Variants in A4GALT observed in about 807,000 individuals in gnomAD.
A4GALT encodes the protein alpha 1,4-galactosyltransferase (P1PK blood group).
For missense variants in A4GALT, 512 were observed against 486.0 expected, an observed-to-expected ratio of 1.05 and a Z score of -0.50; for synonymous variants, 257 against 220.7, an observed-to-expected ratio of 1.16 and a Z score of -1.46.
At chr22:42,709,496 A>C (rs1417083288) in intron 1 of A4GALT, among the ~76,000 whole-genome samples, 1 of 152,208 alleles carries the variant, frequency 6.6e-6, no homozygotes, top group Non-Finnish European at 1.5e-5. Flanking sequence ...CAGCACATTA[A>C]AATTAAATGG....
intron 1 of A4GALT, among the ~76,000 whole-genome samples, chr22:42,714,366 T>C (rs73427287): frequency 0.015 from 2,009 of 133,468 alleles, 38 homozygotes; most frequent in African/African-American, 0.053. Flanking sequence ...GGCGGGAGCA[T>C]CACTTGAGCC....
intron 1 of A4GALT, chr22:42,718,727 T>C (rs1922424304): frequency 6.6e-6 from 1 of 152,212 alleles, no homozygotes; most frequent in South Asian, 2.1e-4. Context: ...CACTAGGCTC[T>C]GGGATCTGGA....
chr22:42,712,138 A>G (rs1054268466), intron 1 of A4GALT, among the ~76,000 whole-genome samples: 1 of 152,194 alleles, frequency 6.6e-6, no homozygotes, highest in African/African-American at 2.4e-5. Context: ...CAGTCCCAAG[A>G]GCGCCTTTCT....
intron 1 of A4GALT, among the ~76,000 whole-genome samples, chr22:42,720,284 A>G (rs1922600030): frequency 1.5e-5 from 1 of 68,320 alleles, no homozygotes; most frequent in Admixed American, 1.4e-4. Flanking sequence ...ACCCTCCCTA[A>G]GGCCGGCGCC....
intron 1 of A4GALT, among the ~76,000 whole-genome samples, chr22:42,708,956 G>A: frequency 6.6e-6 from 1 of 150,500 alleles, no homozygotes; most frequent in South Asian, 2.1e-4. Context: ...AAAGCACCAG[G>A]GCAAAACATT....
chr22:42,698,727 T>C lies in A4GALT; in HGVS notation c.-187-3096A>G, dbSNP rs1016085399. On this transcript the variant is annotated intron_variant, in intron 1 of 2. Transcript: ENST00000642412. Reference sequence around the variant, plus strand: ...TGAGTAAAATGAGGCTGACACCTACTGGGCTGCATTCCCAGACGGGTAAGG... The same window carrying C: ...TGAGTAAAATGAGGCTGACACCTACCGGGCTGCATTCCCAGACGGGTAAGG... Among the ~76,000 whole-genome samples, 16 of 152,328 alleles carry C rather than the reference T, an allele frequency of 1.1e-4. 2 individuals carry two copies. The highest frequency in any genetic ancestry group is 4.6e-4 in the Admixed American group (7 of 15,296).
At chr22:42,716,401 G>A (rs893955564) in intron 1 of A4GALT, among the ~76,000 whole-genome samples, 10 of 152,192 alleles carry the variant, frequency 6.6e-5, no homozygotes, top group Non-Finnish European at 1.5e-4. Context: ...GAGCTGTGTG[G>A]TTTAATAGTA....
intron 1 of A4GALT, chr22:42,718,123 TC>T (rs1922353408): frequency 6.6e-6 from 1 of 151,842 alleles, no homozygotes; most frequent in South Asian, 2.1e-4. Context: ...ATCCAATAAC[TC>T]AACATGACAT....
intron 1 of A4GALT, among the ~76,000 whole-genome samples, chr22:42,714,089 G>A (rs1417531685): frequency 3.3e-5 from 5 of 151,704 alleles, no homozygotes; most frequent in Non-Finnish European, 7.4e-5. Flanking sequence ...CAAGAGTTGC[G>A]TGGGAAACAT....
rs28915384 is a variant in A4GALT, at chr22:42,693,283, G to C, written c.669C>G (p.Phe223Leu). The C allele has an allele frequency of 2.5e-6, 4 of 1,612,868 alleles. No individual in the cohort carries two copies. Among genetic ancestry groups the C allele is most frequent in the South Asian group, 2.2e-5 (2 of 91,078 alleles). Residue 223 changes from phenylalanine (F) to leucine (L), a missense_variant, in exon 3 of 3, where the codon TTC becomes TTG. Coordinates refer to ENST00000642412, the MANE Select transcript of A4GALT (RefSeq NM_017436.7). Reference protein sequence around the residue: ...RYVLNGAFLAFERRHEFMALC... With the variant: ...RYVLNGAFLALERRHEFMALC... ...GCGCCATGAACTCGTGCCGGCGCTCGAAGGCCAGGAACGCGCCGTTGAGGA... is the reference window on the plus strand; with the variant it reads ...GCGCCATGAACTCGTGCCGGCGCTCCAAGGCCAGGAACGCGCCGTTGAGGA...
In A4GALT at chr22:42,693,709, G is replaced by T. The variant is rs747846482; in HGVS notation, c.243C>A (p.Phe81Leu). 6.1e-6 allele frequency: 8 copies of T among 1,321,408 alleles called. No homozygotes were observed. The highest frequency in any genetic ancestry group is 8.0e-6 in the Non-Finnish European group (8 of 996,660). 81.9% of individuals were successfully genotyped at this position (1,321,408 alleles called of 1,614,324 possible). ...GGTTGGTCCGGTCTGAAGTCTCCAG[G>T]AAGAAGATGTTGCCTGGAGTGGGGC... ...SHGPTPGNIFFLETSDRTNPN... is the reference protein window; with the variant it reads ...SHGPTPGNIFLLETSDRTNPN... Residue 81 changes from phenylalanine (F) to leucine (L), a missense_variant, in exon 3 of 3, where the codon TTC becomes TTA. Phe to Leu is a conservative substitution (Grantham distance 22). Transcript: ENST00000642412.
chr22:42,716,853 G>C (rs1449826037), intron 1 of A4GALT, among the ~76,000 whole-genome samples: 3 of 152,170 alleles, frequency 2.0e-5, no homozygotes, highest in Non-Finnish European at 4.4e-5. Context: ...GATGATCAGG[G>C]CTCTCTGGGT....
intron 1 of A4GALT, among the ~76,000 whole-genome samples, chr22:42,715,818 G>A (rs1167595148): frequency 6.7e-6 from 1 of 149,532 alleles, no homozygotes; most frequent in Non-Finnish European, 1.5e-5. Context: ...ACACCTGGCC[G>A]GAAAGATACA....
At chr22:42,702,261 C>A (rs1162253019) in intron 1 of A4GALT, among the ~76,000 whole-genome samples, 1 of 151,968 alleles carries the variant, frequency 6.6e-6, no homozygotes, top group Non-Finnish European at 1.5e-5. Context: ...GGACTGAAGG[C>A]ACCTAGATGT....
Position 42,693,384 on chromosome 22 carries a change from A to G in A4GALT, c.568T>C (p.Tyr190His). ...AGAACAATGAAGTCCGTGTCCAGGT[A>G]GATGCCGCCGAACTTCCACATGAGT... ...IALMWKFGGI[Y>H]LDTDFIVLKN... The change falls in exon 3 of 3, where the codon TAC becomes CAC. Residue 190 changes from tyrosine to histidine, a missense_variant. Transcript: ENST00000642412. The G allele has an allele frequency of 1.9e-6, 3 of 1,613,338 alleles. No homozygotes were observed. Among genetic ancestry groups the G allele is most frequent in the East Asian group, 2.2e-5 (1 of 44,878 alleles).
At chr22:42,699,662 A>G (rs1270480681) in intron 1 of A4GALT, among the ~76,000 whole-genome samples, 2 of 152,162 alleles carry the variant, frequency 1.3e-5, no homozygotes, top group African/African-American at 4.8e-5. Flanking sequence ...TCATTGCCAC[A>G]GGGGCCTCGG....
At chr22:42,705,473 CGT>C (rs1920996743) in intron 1 of A4GALT, among the ~76,000 whole-genome samples, 1 of 106,720 alleles carries the variant, frequency 9.4e-6, no homozygotes, top group Admixed American at 9.7e-5. Context: ...CATGGTGGCG[CGT>C]GCCTGTAGTC....
At chr22:42,703,293 T>C (rs1920939675) in intron 1 of A4GALT, among the ~76,000 whole-genome samples, 1 of 149,766 alleles carries the variant, frequency 6.7e-6, no homozygotes, top group Non-Finnish European at 1.5e-5. Flanking sequence ...TCTCACTCTA[T>C]TGCCAAGACT....
chr22:42,692,675 T>C lies in A4GALT; in HGVS notation c.*215A>G. ...CACTCACTGAGCGCCCTCCGCTGGC[T>C]ATGGCACCATGTGTCAGCCCTGCCT... is the stretch of plus-strand genomic sequence containing the variant. On this transcript the variant is annotated 3_prime_UTR_variant, in exon 3 of 3. Transcript: ENST00000642412. The surrounding 1 kb of genome is among the most constrained non-coding windows in gnomAD (Gnocchi z 4.6). 1 of 701,922 alleles carries C rather than the reference T, an allele frequency of 1.4e-6. No homozygotes were observed. Among genetic ancestry groups the C allele is most frequent in the Non-Finnish European group, 2.6e-6 (1 of 389,300 alleles). The allele number at this position is 701,922 out of a possible 1,614,324, so 43.5% of individuals were successfully genotyped here. A position where few individuals can be genotyped will look rare whatever the true frequency, so the allele number is the denominator to read the frequency against.
Sources: allele counts gnomAD v4.1 joint callset (sites outside exome capture counted in the v4.1 genomes callset), GRCh38; gene constraint gnomAD v4.1.1; non-coding constraint Gnocchi (gnomAD v3.1); transcripts MANE v1.5; gene names NCBI Gene and HGNC (gene_info 2026-07-23, HGNC 2026-07-21).